The following ZNF391 variants were observed in gnomAD, a reference collection of about 807,000 sequenced individuals.
ZNF391 encodes zinc finger protein 391.
For synonymous variants in ZNF391, 126 were observed against 142.1 expected, an observed-to-expected ratio of 0.89 and a Z score of 0.80; for missense variants, 375 against 425.5, an observed-to-expected ratio of 0.88 and a Z score of 1.04.
In ZNF391 at chr6:27,403,474, T is replaced by C. The variant is rs1214328697; in HGVS notation, c.*2027T>C. 4.6e-5 allele frequency: 7 copies of C among 152,216 alleles called. No homozygotes were observed. The highest frequency in any genetic ancestry group is 4.6e-4 in the Admixed American group (7 of 15,282). 9.4% of individuals were successfully genotyped at this position (152,216 alleles called of 1,614,324 possible). A position where few individuals can be genotyped will look rare whatever the true frequency, so the allele number is the denominator to read the frequency against. ...AATCCTTTGTAGTGATGGTTTGCAT[T>C]ATTCTCCTGTATTAGACACCTTCTT... On this transcript the variant is annotated 3_prime_UTR_variant, in exon 3 of 3. Coordinates refer to ENST00000244576, the MANE Select transcript of ZNF391 (RefSeq NM_001076781.3).
upstream of ZNF391, among the ~76,000 whole-genome samples, chr6:27,386,178 C>T (rs1398365369): frequency 6.6e-6 from 1 of 151,946 alleles, no homozygotes; most frequent in African/African-American, 2.4e-5. Context: ...TTAGAAATAG[C>T]ATAAAAATAC....
rs1278447411 is a variant in ZNF391, at chr6:27,376,392, T to TGTTA, written n.523+1256_523+1259dup. On this transcript the variant is annotated intron_variant and non_coding_transcript_variant, in intron 1 of 2. Coordinates refer to the ZNF391 transcript ENST00000477999. This position sits in a 1 kb window ranked among gnomAD's most constrained non-coding sequence, Gnocchi z 4.7. ...AATTGCTGTAGAAACAGGCCCAAGA[T>TGTTA]GTTATTAAAGTTTCACAAGTAGCAA... is the stretch of plus-strand genomic sequence containing the variant. Among the ~76,000 whole-genome samples the TGTTA allele has an allele frequency of 6.6e-6, 1 of 152,182 alleles. No individual in the cohort carries two copies. Among genetic ancestry groups the TGTTA allele is most frequent in the Non-Finnish European group, 1.5e-5 (1 of 68,036 alleles).
intron 1 of ZNF391, among the ~76,000 whole-genome samples, chr6:27,391,495 G>C (rs970633154): frequency 6.6e-6 from 1 of 152,050 alleles, no homozygotes; most frequent in African/African-American, 2.4e-5. Context: ...CCTTAGGGTT[G>C]CATTCAACAG....
intron 1 of ZNF391, among the ~76,000 whole-genome samples, chr6:27,377,485 A>C (rs890293439): frequency 6.6e-6 from 1 of 152,182 alleles, no homozygotes; most frequent in Non-Finnish European, 1.5e-5. Flanking sequence ...TGCATATCTA[A>C]TTTGCCTCCT....
rs368580336 is a variant in ZNF391 at position 27,382,156 on chromosome 6, A to T, written n.523+7019A>T. Among the ~76,000 whole-genome samples the T allele has an allele frequency of 2.7e-3, 407 of 152,164 alleles. 2 individuals are homozygous for T. The highest frequency in any genetic ancestry group is 9.4e-3 in the African/African-American group (389 of 41,492). ...AGAGGAACCTGGCCAACATGGTGAAACCCCGTCTCTGCTAAAAATACCAAA... is the reference window on the plus strand; with the variant it reads ...AGAGGAACCTGGCCAACATGGTGAATCCCCGTCTCTGCTAAAAATACCAAA... On this transcript the variant is annotated intron_variant and non_coding_transcript_variant, in intron 1 of 2. Transcript: ENST00000477999.
At chr6:27,375,658 A>C (rs1761406015) in intron 1 of ZNF391, among the ~76,000 whole-genome samples, 1 of 152,216 alleles carries the variant, frequency 6.6e-6, no homozygotes, top group African/African-American at 2.4e-5. Flanking sequence ...GGCAAAAATC[A>C]GCCCTGCTAT....
At chr6:27,381,889 C>T (rs1374177317) in intron 1 of ZNF391, among the ~76,000 whole-genome samples, 1 of 151,812 alleles carries the variant, frequency 6.6e-6, no homozygotes, top group Non-Finnish European at 1.5e-5. Flanking sequence ...AAAAATTAGC[C>T]AGGCTGTGGT....
At chr6:27,383,870 G>GA (rs1761543666), upstream of ZNF391, among the ~76,000 whole-genome samples, 1 of 151,998 alleles carries the variant, frequency 6.6e-6, no homozygotes, top group African/African-American at 2.4e-5. Context: ...TCATACAGGG[G>GA]AAAAAACAGC....
intron 1 of ZNF391, among the ~76,000 whole-genome samples, chr6:27,381,120 G>A (rs898759599): frequency 1.3e-4 from 20 of 152,352 alleles, no homozygotes; most frequent in African/African-American, 4.3e-4. Flanking sequence ...AGCAGGGGGC[G>A]GCGCTCATCG....
At chr6:27,381,988 CG>C (rs1237677090) in intron 1 of ZNF391, among the ~76,000 whole-genome samples, 9 of 141,856 alleles carry the variant, frequency 6.3e-5, no homozygotes, top group African/African-American at 2.1e-4. Context: ...GAGCCGAGAT[CG>C]GGGCCGCTGC....
chr6:27,380,924 C>G (rs898687471), intron 1 of ZNF391, among the ~76,000 whole-genome samples: 6 of 152,044 alleles, frequency 3.9e-5, no homozygotes, highest in African/African-American at 1.4e-4. Context: ...ACAGAGTGCC[C>G]ATTGGTGTAT....
In ZNF391 at chr6:27,400,336, C is replaced by CT. The variant is rs1761919196; in HGVS notation, c.-34dup. ...AACCAAAGCATCAACACCAATCAGA[C>CT]TGTTTCCGAAGAACTAGAGTTTTCT... On this transcript the variant is annotated 5_prime_UTR_variant, in exon 3 of 3. Transcript: ENST00000244576. 1 of 1,523,578 alleles carries CT rather than the reference C, an allele frequency of 6.6e-7. No individual in the cohort carries two copies. The highest frequency in any genetic ancestry group is 2.0e-5 in the Admixed American group (1 of 48,940). The allele number at this position is 1,523,578 out of a possible 1,614,324, so 94.4% of individuals were successfully genotyped here. A position where few individuals can be genotyped will look rare whatever the true frequency, so the allele number is the denominator to read the frequency against.
At position 27,400,508 on chromosome 6, in the gene ZNF391, G is replaced by A. The variant is rs1035748480; in HGVS notation, c.138G>A (p.Val46=). The change falls in exon 3 of 3, where the codon GTG becomes GTA. Residue 46 remains valine, a synonymous_variant. Coordinates refer to ENST00000244576, the MANE Select transcript of ZNF391 (RefSeq NM_001076781.3). ...TTGAGAACACAGTGGTCAGAAAAGT[G>A]TCAGTGACACTCAAAGAAATTTTCA... The part of the protein sequence containing the change: ...SSFENTVVRK[V]SVTLKEIFTG... The A allele has an allele frequency of 1.2e-6, 2 of 1,614,186 alleles. No homozygotes were observed. The highest frequency in any genetic ancestry group is 1.1e-5 in the South Asian group (1 of 91,078).
At chr6:27,384,895 G>C (rs2113642140), upstream of ZNF391, among the ~76,000 whole-genome samples, 1 of 151,970 alleles carries the variant, frequency 6.6e-6, no homozygotes, top group Non-Finnish European at 1.5e-5. Context: ...GCGGGTGCCT[G>C]TAATCTCAGC....
At chr6:27,375,077 G>A (rs1453794998) in exon 1 of ZNF391, 1 of 152,462 alleles carries the variant, frequency 6.6e-6, no homozygotes, top group African/African-American at 2.4e-5. Flanking sequence ...TCTCCTGAAA[G>A]AGCAAGGCAC....
chr6:27,396,583 A>G (rs951075549), intron 1 of ZNF391, among the ~76,000 whole-genome samples: 1 of 152,054 alleles, frequency 6.6e-6, no homozygotes, highest in Non-Finnish European at 1.5e-5. Context: ...AAAGTTAGCC[A>G]TACATGGTGG....
chr6:27,394,589 G>A (rs772209020), intron 1 of ZNF391, among the ~76,000 whole-genome samples: 21 of 152,248 alleles, frequency 1.4e-4, no homozygotes, highest in Non-Finnish European at 7.3e-5. Context: ...GTCCAGAGGG[G>A]AAATGTGGAG....
At chr6:27,386,237 T>C (rs1186939571), upstream of ZNF391, among the ~76,000 whole-genome samples, 1 of 71,964 alleles carries the variant, frequency 1.4e-5, no homozygotes, top group Non-Finnish European at 3.5e-5. Context: ...TGCTGAATAC[T>C]GCAATTGCTT....
chr6:27,401,604 A>G lies in ZNF391; in HGVS notation c.*157A>G, dbSNP rs776940678. 7.7e-6 allele frequency: 4 copies of G among 516,592 alleles called. No homozygotes were observed. The highest frequency in any genetic ancestry group is 4.6e-5 in the South Asian group (1 of 21,674). 32.0% of individuals were successfully genotyped at this position (516,592 alleles called of 1,614,324 possible). A position where few individuals can be genotyped will look rare whatever the true frequency, so the allele number is the denominator to read the frequency against. ...TTTCATTCGTTCTTTCCATCCATCT[A>G]TCCTTCTTTCGTCTCCCCTCCCTTC... On this transcript the variant is annotated 3_prime_UTR_variant, in exon 3 of 3. Coordinates refer to ENST00000244576, the MANE Select transcript of ZNF391 (RefSeq NM_001076781.3).
Sources: allele counts gnomAD v4.1 joint callset (sites outside exome capture counted in the v4.1 genomes callset), GRCh38; gene constraint gnomAD v4.1.1; non-coding constraint Gnocchi (gnomAD v3.1); transcripts MANE v1.5; gene names NCBI Gene and HGNC (gene_info 2026-07-23, HGNC 2026-07-21).